ETS1: variants seen among roughly 807,000 people sequenced by gnomAD.
The protein encoded by ETS1 is protein C-ets-1.
A neutral mutation model predicts 58.6 loss-of-function variants in ETS1; 15 were observed. That is an observed-to-expected ratio of 0.26 (90% CI 0.17 to 0.39). The LOEUF is 0.39. Ranked by LOEUF, ETS1 falls within the 10% of genes least tolerant of loss-of-function variation. ETS1 has a pLI of 1.00. For missense variants in ETS1, 417 were observed against 610.5 expected, an observed-to-expected ratio of 0.68 and a Z score of 3.34; for synonymous variants, 214 against 218.2, an observed-to-expected ratio of 0.98 and a Z score of 0.17.
chr11:128,536,494 A>G (rs868109971), intron 3 of ETS1: 2 of 152,248 alleles, frequency 1.3e-5, no homozygotes, highest in African/African-American at 4.8e-5. Context: ...TATTGGGTAC[A>G]AGAATTCAAT....
chr11:128,552,278 T>C (rs11221348), intron 3 of ETS1, among the ~76,000 whole-genome samples: 1,692 of 152,278 alleles, frequency 0.011, 29 homozygotes, highest in African/African-American at 0.038. Flanking sequence ...ATGTCCTTTC[T>C]CATGAAGAAT....
At chr11:128,582,250 G>T (rs80012651) in intron 1 of ETS1, among the ~76,000 whole-genome samples, 1 of 152,250 alleles carries the variant, frequency 6.6e-6, no homozygotes, top group East Asian at 1.9e-4. Flanking sequence ...TGCTTGCTGC[G>T]TGTATGGCCA....
intron 1 of ETS1, among the ~76,000 whole-genome samples, chr11:128,579,575 C>T (rs1461386240): frequency 6.6e-6 from 1 of 150,986 alleles, no homozygotes; most frequent in African/African-American, 2.4e-5. Context: ...GCAGAAGAAT[C>T]GCTTGAGCCT....
intron 3 of ETS1, among the ~76,000 whole-genome samples, chr11:128,506,084 G>A (rs534222291): frequency 6.6e-6 from 1 of 152,126 alleles, no homozygotes; most frequent in Admixed American, 6.5e-5. Flanking sequence ...TCAGGAATAC[G>A]AGCCCTTCTC....
intron 3 of ETS1, among the ~76,000 whole-genome samples, chr11:128,534,459 G>C (rs925811783): frequency 2.0e-5 from 3 of 152,156 alleles, no homozygotes; most frequent in Admixed American, 2.0e-4. Flanking sequence ...ACACGTGCAA[G>C]ACATGCAGGT....
At chr11:128,503,928 A>G (rs1863157938) in intron 3 of ETS1, among the ~76,000 whole-genome samples, 1 of 152,218 alleles carries the variant, frequency 6.6e-6, no homozygotes, top group Non-Finnish European at 1.5e-5. Context: ...CCAGCACGCC[A>G]GCTAAACACA....
At chr11:128,470,386 T>C (rs1011399897) in intron 8 of ETS1, among the ~76,000 whole-genome samples, 2 of 152,238 alleles carry the variant, frequency 1.3e-5, no homozygotes, top group Non-Finnish European at 2.9e-5. Context: ...ATATCAGTTC[T>C]TACCTGAATC....
At chr11:128,488,354 G>A (rs1862696314) in intron 5 of ETS1, among the ~76,000 whole-genome samples, 1 of 152,142 alleles carries the variant, frequency 6.6e-6, no homozygotes, top group Non-Finnish European at 1.5e-5. Flanking sequence ...GAGAAATCTA[G>A]TTTGGGTCTC....
In ETS1 at chr11:128,556,444, G is replaced by T; in HGVS notation, c.70-9C>A. ...TTGCTAGGTCCTTGCCTCTGTGCAAGAAAAAATAGAAGAAAATATATTAGG... is the reference window on the plus strand; with the variant it reads ...TTGCTAGGTCCTTGCCTCTGTGCAATAAAAAATAGAAGAAAATATATTAGG... On this transcript the variant is annotated splice_polypyrimidine_tract_variant and intron_variant, in intron 2 of 9. Transcript: ENST00000392668. 1 of 1,570,954 alleles carries T rather than the reference G, an allele frequency of 6.4e-7. No individual in the cohort carries two copies. The highest frequency in any genetic ancestry group is 8.6e-7 in the Non-Finnish European group (1 of 1,160,136).
At position 128,460,216 on chromosome 11, in the gene ETS1, C is replaced by T. The variant is rs1861875072; in HGVS notation, c.*2145G>A. 6.5e-6 allele frequency: 1 copy of T among 152,764 alleles called. No individual in the cohort carries two copies. The highest frequency in any genetic ancestry group is 1.5e-5 in the Non-Finnish European group (1 of 68,054). The allele number at this position is 152,764 out of a possible 1,614,324, so 9.5% of individuals were successfully genotyped here. A position where few individuals can be genotyped will look rare whatever the true frequency, so the allele number is the denominator to read the frequency against. ...AAACAATGTAGTCCAAACAGTTCCA[C>T]CCAACACTCCCTGAGCAGCTCCTAA... On this transcript the variant is annotated 3_prime_UTR_variant, in exon 10 of 10. Transcript: ENST00000392668.
chr11:128,530,616 A>G (rs1863881909), intron 3 of ETS1, among the ~76,000 whole-genome samples: 1 of 152,218 alleles, frequency 6.6e-6, no homozygotes, highest in Admixed American at 6.5e-5. Context: ...TCATCACAAA[A>G]AGGCCTTGGG....
chr11:128,553,487 GCTA>G (rs1864264242), intron 3 of ETS1, among the ~76,000 whole-genome samples: 1 of 150,974 alleles, frequency 6.6e-6, no homozygotes. Flanking sequence ...TCCCTACCAT[GCTA>G]CTAATATCCA....
At chr11:128,501,742 C>T (rs1210217615) in intron 3 of ETS1, among the ~76,000 whole-genome samples, 1 of 152,210 alleles carries the variant, frequency 6.6e-6, no homozygotes, top group African/African-American at 2.4e-5. Context: ...CAACCAGTTA[C>T]AAATCCTCCT....
At position 128,558,296 on chromosome 11, in the gene ETS1, G is replaced by A. The variant is rs148341658; in HGVS notation, c.70-1861C>T. Among the ~76,000 whole-genome samples the A allele has an allele frequency of 7.9e-3, 1,203 of 152,264 alleles. 21 individuals carry two copies. Among genetic ancestry groups the A allele is most frequent in the African/African-American group, 0.027 (1,140 of 41,548 alleles). On this transcript the variant is annotated intron_variant, in intron 2 of 9. Coordinates refer to ENST00000392668, the MANE Select transcript of ETS1 (RefSeq NM_001143820.2). ...GCAGATTTGCCACCTATATGTGTGT[G>A]GGGCCAAGAGACAGGGGAACCATCA...
intron 2 of ETS1, among the ~76,000 whole-genome samples, chr11:128,571,501 CAAAAAAAA>C (rs563312769): frequency 1.5e-4 from 5 of 32,896 alleles, no homozygotes; most frequent in Admixed American, 5.4e-4. Context: ...AAGACTCCGT[CAAAAAAAA>C]AAAAAAAAAA....
At chr11:128,465,887 G>A (rs998654306) in intron 8 of ETS1, among the ~76,000 whole-genome samples, 7 of 152,218 alleles carry the variant, frequency 4.6e-5, no homozygotes, top group African/African-American at 1.7e-4. Context: ...CTGACACACT[G>A]CAAGGCCATT....
chr11:128,512,901 G>GA (rs1275653477), intron 3 of ETS1, among the ~76,000 whole-genome samples: 1 of 152,278 alleles, frequency 6.6e-6, no homozygotes, highest in African/African-American at 2.4e-5. Context: ...GAAGCAGCTG[G>GA]ACTAGCTGCT....
intron 3 of ETS1, among the ~76,000 whole-genome samples, chr11:128,522,956 G>A (rs1284724574): frequency 1.3e-5 from 2 of 152,178 alleles, no homozygotes; most frequent in Admixed American, 6.5e-5. Context: ...ATGCTCCTGC[G>A]TTGGCAGGGG....
intron 3 of ETS1, 55 bp downstream of exon 3, chr11:128,556,236 A>T (rs919061855): frequency 7.4e-6 from 11 of 1,487,606 alleles, no homozygotes; most frequent in Non-Finnish European, 1.0e-5. Flanking sequence ...CCCTCATCAC[A>T]TTTCCATTGT....
Sources: gnomAD v4.1 joint callset for allele counts (sites outside exome capture counted in the v4.1 genomes callset) on GRCh38, gnomAD v4.1.1 for gene constraint, MANE v1.5 for transcripts, NCBI Gene and HGNC (gene_info 2026-07-23, HGNC 2026-07-21) for gene names.